RAVER2: variants seen among roughly 807,000 people sequenced by gnomAD.
RAVER2 encodes ribonucleoprotein PTB-binding 2.
RAVER2 carries 46 observed loss-of-function variants against 78.1 expected under a neutral mutation model. That is an observed-to-expected ratio of 0.59 (90% CI 0.46 to 0.75). The LOEUF (loss-of-function observed/expected upper bound fraction) is 0.75. Ranked by LOEUF, RAVER2 falls within the 30% of genes least tolerant of loss-of-function variation. The pLI is 0.00. For synonymous variants in RAVER2, 311 were observed against 313.3 expected, an observed-to-expected ratio of 0.99 and a Z score of 0.08; for missense variants, 793 against 837.5, an observed-to-expected ratio of 0.95 and a Z score of 0.66.
chr1:64,830,824 T>C lies in RAVER2; in HGVS notation c.1930-15T>C. On this transcript the variant is annotated splice_polypyrimidine_tract_variant and intron_variant, in intron 11 of 11. Transcript: ENST00000294428. ...TTTAGATTTTAAAACTAGCTGCAATTTTATTTTCTCATAGGTGTCATCTTT... is the reference window on the plus strand; with the variant it reads ...TTTAGATTTTAAAACTAGCTGCAATCTTATTTTCTCATAGGTGTCATCTTT... The C allele has an allele frequency of 1.3e-6, 2 of 1,566,870 alleles. No individual in the cohort carries two copies. The highest frequency in any genetic ancestry group is 1.7e-6 in the Non-Finnish European group (2 of 1,154,296).
exon 12 of RAVER2, chr1:64,832,306 T>TTTGA (rs1394494575): frequency 2.6e-5 from 4 of 152,566 alleles, no homozygotes; most frequent in African/African-American, 7.3e-5. Flanking sequence ...TCTCACTCTT[T>TTTGA]TTGATAGTGT....
intron 5 of RAVER2, among the ~76,000 whole-genome samples, chr1:64,799,000 C>A (rs1322102586): frequency 6.6e-6 from 1 of 152,148 alleles, no homozygotes; most frequent in Non-Finnish European, 1.5e-5. Flanking sequence ...AACTTAGTCA[C>A]CCTACAGTAC....
At chr1:64,766,466 G>A (rs540412396) in intron 1 of RAVER2, among the ~76,000 whole-genome samples, 4 of 152,206 alleles carry the variant, frequency 2.6e-5, no homozygotes, top group Middle Eastern at 3.4e-3. Flanking sequence ...AAAAATAATT[G>A]GGTTTTTCTT....
At chr1:64,789,041 T>A (rs1246396757) in intron 4 of RAVER2, among the ~76,000 whole-genome samples, 1 of 152,120 alleles carries the variant, frequency 6.6e-6, no homozygotes, top group Non-Finnish European at 1.5e-5. Context: ...ATAAGAAGGC[T>A]CTTCTGTAGT....
chr1:64,745,620 A>G lies in RAVER2; in HGVS notation c.249+199A>G, dbSNP rs564861969. Among the ~76,000 whole-genome samples, 24 of 152,074 alleles carry G rather than the reference A, an allele frequency of 1.6e-4. No homozygotes were observed. The highest frequency in any genetic ancestry group is 3.4e-3 in the Middle Eastern group (1 of 294). On this transcript the variant is annotated intron_variant, in intron 1 of 11. Transcript: ENST00000294428. This position sits in a 1 kb window ranked among gnomAD's most constrained non-coding sequence, Gnocchi z 4.3. ...CTGCCAGGGAGGGGGGCAGATTGGG[A>G]AACTGAGGCTCTGAGTGGCGAAGCG... is the stretch of plus-strand genomic sequence containing the variant.
At chr1:64,791,777 T>G (rs2100855185) in intron 5 of RAVER2, among the ~76,000 whole-genome samples, 1 of 152,346 alleles carries the variant, frequency 6.6e-6, no homozygotes, top group African/African-American at 2.4e-5. Flanking sequence ...CTGGAAAGTT[T>G]TTATATTACT....
intron 1 of RAVER2, among the ~76,000 whole-genome samples, chr1:64,762,018 G>C (rs1476029598): frequency 6.6e-6 from 1 of 152,060 alleles, no homozygotes; most frequent in African/African-American, 2.4e-5. Context: ...AGGAGGCTGA[G>C]GTGGGAAGAT....
At chr1:64,747,244 T>A (rs1212484200) in intron 1 of RAVER2, among the ~76,000 whole-genome samples, 2 of 152,218 alleles carry the variant, frequency 1.3e-5, no homozygotes, top group African/African-American at 4.8e-5. Context: ...TATTTTTTGT[T>A]TTAACAATTT....
chr1:64,824,633 G>A (rs1170231972), intron 11 of RAVER2, among the ~76,000 whole-genome samples: 1 of 152,122 alleles, frequency 6.6e-6, no homozygotes, highest in Non-Finnish European at 1.5e-5. Flanking sequence ...AAAGCAAGCT[G>A]TTGAAATGTA....
At chr1:64,754,678 C>T (rs1379055760) in intron 1 of RAVER2, among the ~76,000 whole-genome samples, 2 of 152,130 alleles carry the variant, frequency 1.3e-5, no homozygotes, top group Non-Finnish European at 2.9e-5. Flanking sequence ...CATATTATTT[C>T]AAGGGGGTAT....
intron 11 of RAVER2, among the ~76,000 whole-genome samples, chr1:64,826,174 C>T (rs151316114): frequency 7.9e-5 from 12 of 152,320 alleles, no homozygotes; most frequent in Non-Finnish European, 4.4e-5. Flanking sequence ...TACTATATGA[C>T]AGGACTGTTC....
intron 1 of RAVER2, among the ~76,000 whole-genome samples, chr1:64,747,246 TAAC>T (rs1651564561): frequency 6.6e-6 from 1 of 152,222 alleles, no homozygotes; most frequent in African/African-American, 2.4e-5. Context: ...TTTTTTGTTT[TAAC>T]AATTTCCCTT....
intron 1 of RAVER2, among the ~76,000 whole-genome samples, chr1:64,763,119 C>T (rs1652066999): frequency 6.6e-6 from 1 of 151,930 alleles, no homozygotes; most frequent in Non-Finnish European, 1.5e-5. Context: ...ACCATCCTGG[C>T]TAACACGGTG....
chr1:64,827,854 T>G (rs1238714562), intron 11 of RAVER2, among the ~76,000 whole-genome samples: 1 of 152,234 alleles, frequency 6.6e-6, no homozygotes, highest in Admixed American at 6.5e-5. Flanking sequence ...CAGAGCTGCT[T>G]ATTAATCTTG....
intron 2 of RAVER2, among the ~76,000 whole-genome samples, chr1:64,777,253 T>C (rs1652490610): frequency 1.3e-5 from 2 of 152,138 alleles, no homozygotes; most frequent in Admixed American, 1.3e-4. Context: ...ATATAAAGTC[T>C]TCATAAAATT....
intron 5 of RAVER2, among the ~76,000 whole-genome samples, chr1:64,792,572 G>A (rs1375943927): frequency 1.3e-5 from 2 of 152,012 alleles, no homozygotes; most frequent in African/African-American, 2.4e-5. Context: ...TTAATGTATG[G>A]CCATATGGCA....
At chr1:64,763,552 A>G (rs1386654282) in intron 1 of RAVER2, among the ~76,000 whole-genome samples, 2 of 152,170 alleles carry the variant, frequency 1.3e-5, no homozygotes, top group Non-Finnish European at 2.9e-5. Flanking sequence ...ATATTCTGCC[A>G]ATAAGTGTGC....
rs762128444 is a variant in RAVER2 at position 64,807,195 on chromosome 1, G to T, written c.1412-11G>T. On this transcript the variant is annotated splice_polypyrimidine_tract_variant and intron_variant, in intron 8 of 11. Transcript: ENST00000294428. ...TAACTAAAAGCTTTTTGCATTTATG[G>T]TTTGCTACAGCATCTAGCCTGATTC... is the stretch of plus-strand genomic sequence containing the variant. 5.6e-6 allele frequency: 9 copies of T among 1,596,470 alleles called. No individual in the cohort carries two copies. Among genetic ancestry groups the T allele is most frequent in the Admixed American group, 5.1e-5 (3 of 58,374 alleles).
At chr1:64,826,292 A>G (rs1654001409) in intron 11 of RAVER2, among the ~76,000 whole-genome samples, 1 of 152,248 alleles carries the variant, frequency 6.6e-6, no homozygotes, top group Admixed American at 6.5e-5. Context: ...CTGCAGAGAA[A>G]ATAAGATGGA....
Sources: allele counts gnomAD v4.1 joint callset (sites outside exome capture counted in the v4.1 genomes callset), GRCh38; gene constraint gnomAD v4.1.1; non-coding constraint Gnocchi (gnomAD v3.1); transcripts MANE v1.5; gene names NCBI Gene and HGNC (gene_info 2026-07-23, HGNC 2026-07-21).